Variants in CSMD3 observed in about 807,000 individuals in gnomAD.
CSMD3 encodes the protein CUB and Sushi multiple domains 3, also known as CUB and sushi domain-containing protein 3.
A neutral mutation model predicts 435.2 loss-of-function variants in CSMD3; 177 were observed. The observed-to-expected ratio is 0.41, with a 90% CI of 0.36 to 0.46. The LOEUF is 0.46. Ranked by LOEUF, CSMD3 falls within the 20% of genes least tolerant of loss-of-function variation. CSMD3 has a pLI of 0.34. For synonymous variants in CSMD3, 1,656 were observed against 1,520.5 expected, an observed-to-expected ratio of 1.09 and a Z score of -2.07; for missense variants, 4,265 against 4,504.6, an observed-to-expected ratio of 0.95 and a Z score of 1.52.
At chr8:113,378,538 T>C (rs2094400147) in intron 1 of CSMD3, among the ~76,000 whole-genome samples, 1 of 152,278 alleles carries the variant, frequency 6.6e-6, no homozygotes, top group African/African-American at 2.4e-5. Flanking sequence ...AAGAAAGGCA[T>C]TTTAGAATAA....
At chr8:112,227,043 C>A (rs1299024582) in intron 70 of CSMD3, among the ~76,000 whole-genome samples, 1 of 152,098 alleles carries the variant, frequency 6.6e-6, no homozygotes, top group Non-Finnish European at 1.5e-5. Context: ...CATAGAATTG[C>A]CACATATTCC....
intron 59 of CSMD3, among the ~76,000 whole-genome samples, chr8:112,271,222 A>C (rs1441502512): frequency 6.6e-6 from 1 of 152,222 alleles, no homozygotes; most frequent in Non-Finnish European, 1.5e-5. Context: ...TCTGACAAAA[A>C]TATCATTGAT....
rs995610635 is a variant in CSMD3 at position 112,692,633 on chromosome 8, C to A, written c.1973-2583G>T. 1.7e-4 allele frequency among the ~76,000 whole-genome samples: 26 copies of A among 152,122 alleles called. 1 individual carries two copies. The highest frequency in any genetic ancestry group is 1.0e-3 in the Admixed American group (16 of 15,278). On this transcript the variant is annotated intron_variant, in intron 13 of 70. Transcript: ENST00000297405. ...TTTAATAGTTGAATCAAATTCATTT[C>A]ACATACTTTAAAGCATCATTCAGTT...
chr8:112,360,903 A>C (rs1827132545), intron 38 of CSMD3, among the ~76,000 whole-genome samples: 1 of 151,960 alleles, frequency 6.6e-6, no homozygotes, highest in Admixed American at 6.6e-5. Flanking sequence ...CAGTAAAGAA[A>C]ATGAAACAAA....
chr8:112,335,489 T>C lies in CSMD3; in HGVS notation c.7020-15A>G, dbSNP rs186950888. The C allele has an allele frequency of 1.2e-6, 2 of 1,613,040 alleles. No individual in the cohort carries two copies. The highest frequency in any genetic ancestry group is 2.2e-5 in the East Asian group (1 of 44,834). On this transcript the variant is annotated splice_polypyrimidine_tract_variant and intron_variant, in intron 44 of 70. Transcript: ENST00000297405. ...CTGGTCCATCCCTATGAGACAAGGA[T>C]TGGGAAAGGAGGAGAGATCAAGATT...
At chr8:112,865,093 C>G (rs551305882) in intron 10 of CSMD3, among the ~76,000 whole-genome samples, 37 of 152,280 alleles carry the variant, frequency 2.4e-4, no homozygotes, top group Non-Finnish European at 4.6e-4. Context: ...AGCTTGTCTA[C>G]CAATGTATTC....
chr8:112,490,029 T>C (rs1284930559), intron 31 of CSMD3, among the ~76,000 whole-genome samples: 1 of 152,180 alleles, frequency 6.6e-6, no homozygotes, highest in African/African-American at 2.4e-5. Flanking sequence ...GTATACTAGT[T>C]AACCAAAACA....
At chr8:112,743,577 T>G in intron 13 of CSMD3, among the ~76,000 whole-genome samples, 1 of 152,020 alleles carries the variant, frequency 6.6e-6, no homozygotes, top group Admixed American at 6.6e-5. Flanking sequence ...AAAAAAATCC[T>G]TTGGGAAATA....
At chr8:112,683,992 A>AT (rs2075958777) in intron 15 of CSMD3, among the ~76,000 whole-genome samples, 1 of 151,844 alleles carries the variant, frequency 6.6e-6, no homozygotes, top group South Asian at 2.1e-4. Flanking sequence ...CCTGGTAGAT[A>AT]TTTTTTCAGA....
chr8:112,671,296 TACTA>T (rs2075650292), intron 16 of CSMD3, among the ~76,000 whole-genome samples: 1 of 152,000 alleles, frequency 6.6e-6, no homozygotes, highest in African/African-American at 2.4e-5. Flanking sequence ...CCCAGCCTCT[TACTA>T]GTTTTATGAC....
chr8:113,282,724 A>T (rs2093621512), intron 2 of CSMD3, among the ~76,000 whole-genome samples: 1 of 151,988 alleles, frequency 6.6e-6, no homozygotes, highest in Non-Finnish European at 1.5e-5. Flanking sequence ...ACAGAATTAG[A>T]AAAAAACAAT....
At chr8:113,194,859 C>G (rs1025797014) in intron 3 of CSMD3, among the ~76,000 whole-genome samples, 1 of 151,226 alleles carries the variant, frequency 6.6e-6, no homozygotes, top group Non-Finnish European at 1.5e-5. Context: ...GTAGCTTTCA[C>G]ATTGTTTAAC....
At chr8:112,813,212 ACAG>A (rs2079277250) in intron 12 of CSMD3, among the ~76,000 whole-genome samples, 1 of 152,170 alleles carries the variant, frequency 6.6e-6, no homozygotes, top group South Asian at 2.1e-4. Flanking sequence ...CAAAGCTCCC[ACAG>A]CATGGAAGGG....
At chr8:112,723,711 T>A (rs2076908866) in intron 13 of CSMD3, among the ~76,000 whole-genome samples, 1 of 152,128 alleles carries the variant, frequency 6.6e-6, no homozygotes, top group African/African-American at 2.4e-5. Flanking sequence ...CATCTTTAAA[T>A]GCTGACAGCA....
At chr8:113,096,593 C>T (rs907322650) in intron 5 of CSMD3, among the ~76,000 whole-genome samples, 3 of 152,008 alleles carry the variant, frequency 2.0e-5, no homozygotes, top group Non-Finnish European at 4.4e-5. Context: ...CATGTCATTA[C>T]TGTGCTCAAG....
intron 35 of CSMD3, among the ~76,000 whole-genome samples, chr8:112,403,227 G>A (rs1831488267): frequency 6.6e-6 from 1 of 152,110 alleles, no homozygotes; most frequent in Non-Finnish European, 1.5e-5. Context: ...TTAATTTAGG[G>A]TTCAAAGGTA....
intron 32 of CSMD3, among the ~76,000 whole-genome samples, chr8:112,419,813 T>C (rs1180037216): frequency 2.0e-5 from 3 of 152,228 alleles, no homozygotes; most frequent in East Asian, 1.9e-4. Flanking sequence ...CAGAAGTTTA[T>C]CTGCAATTTG....
intron 32 of CSMD3, among the ~76,000 whole-genome samples, chr8:112,450,857 A>G (rs528101090): frequency 1.3e-5 from 2 of 152,186 alleles, no homozygotes; most frequent in Admixed American, 1.3e-4. Flanking sequence ...ATATGTATCA[A>G]GAATTTCAAA....
intron 5 of CSMD3, among the ~76,000 whole-genome samples, chr8:113,083,368 C>T (rs2089639322): frequency 6.6e-6 from 1 of 151,756 alleles, no homozygotes; most frequent in African/African-American, 2.4e-5. Context: ...AATAAAAAAG[C>T]TGTAAGAAAA....
Sources: allele counts gnomAD v4.1 joint callset (sites outside exome capture counted in the v4.1 genomes callset), GRCh38; gene constraint gnomAD v4.1.1; transcripts MANE v1.5; gene names NCBI Gene and HGNC (gene_info 2026-07-23, HGNC 2026-07-21).